STPG2: variants seen among roughly 807,000 people sequenced by gnomAD.
The protein encoded by STPG2 is sperm tail PG-rich repeat containing 2.
A neutral mutation model predicts 54.2 loss-of-function variants in STPG2; 56 were observed. That is an observed-to-expected ratio of 1.03 (90% CI 0.83 to 1.29). The LOEUF (loss-of-function observed/expected upper bound fraction) is 1.29, where lower values mean the gene tolerates loss of function less well. Ranked by LOEUF, STPG2 falls within the 50% of genes most tolerant of loss-of-function variation. STPG2 has a pLI of 0.00. For synonymous variants in STPG2, 200 were observed against 181.8 expected, an observed-to-expected ratio of 1.10 and a Z score of -0.81; for missense variants, 596 against 544.9, an observed-to-expected ratio of 1.09 and a Z score of -0.93.
chr4:98,014,653 A>G (rs1049368707), intron 5 of STPG2, among the ~76,000 whole-genome samples: 3 of 152,190 alleles, frequency 2.0e-5, no homozygotes, highest in Non-Finnish European at 4.4e-5. Flanking sequence ...TGTATGCACT[A>G]TCATTATAAT....
At chr4:97,881,666 T>C (rs1288050301) in intron 8 of STPG2, among the ~76,000 whole-genome samples, 4 of 152,148 alleles carry the variant, frequency 2.6e-5, no homozygotes. Flanking sequence ...TCAGAGAAGA[T>C]TTAGACTAAA....
intron 9 of STPG2, among the ~76,000 whole-genome samples, chr4:97,814,822 G>T (rs1727857750): frequency 6.6e-6 from 1 of 152,080 alleles, no homozygotes; most frequent in African/African-American, 2.4e-5. Flanking sequence ...TTGAACATTG[G>T]AGTCCAAGTT....
At chr4:97,860,761 T>C (rs1436625240) in intron 8 of STPG2, among the ~76,000 whole-genome samples, 1 of 152,098 alleles carries the variant, frequency 6.6e-6, no homozygotes, top group East Asian at 1.9e-4. Context: ...TTTAGATGCA[T>C]TTTATTACTT....
intron 5 of STPG2, among the ~76,000 whole-genome samples, chr4:97,991,508 T>C (rs1374048488): frequency 4.6e-5 from 7 of 151,354 alleles, no homozygotes; most frequent in Non-Finnish European, 8.8e-5. Context: ...CACTCATTGA[T>C]GGGCATTTGG....
intron 4 of STPG2, among the ~76,000 whole-genome samples, chr4:97,539,264 C>T (rs2148859863): frequency 6.6e-6 from 1 of 152,196 alleles, no homozygotes; most frequent in Non-Finnish European, 1.5e-5. Context: ...GATAAAGAGT[C>T]AAGACCCATC....
intron 5 of STPG2, among the ~76,000 whole-genome samples, chr4:98,022,638 A>G (rs7659000): frequency 0.39 from 59,182 of 151,194 alleles, 11,713 homozygotes; most frequent in Middle Eastern, 0.46. Flanking sequence ...CATTTTCCCC[A>G]TCACTTTCAG....
At position 97,929,460 on chromosome 4, in the gene STPG2, C is replaced by T. The variant is rs187259633; in HGVS notation, c.1044+14437G>A. On this transcript the variant is annotated intron_variant, in intron 8 of 10. Transcript: ENST00000295268. ...CTTTGGGGAATTGCCACACTGTCTT[C>T]TACAATGGTTGAACTAGTTTACACT... Among the ~76,000 whole-genome samples, 642 of 152,268 alleles carry T rather than the reference C, an allele frequency of 4.2e-3. 3 individuals carry two copies. The highest frequency in any genetic ancestry group is 0.024 in the South Asian group (117 of 4,822).
At chr4:97,963,299 G>C (rs1733960091) in intron 7 of STPG2, among the ~76,000 whole-genome samples, 1 of 151,998 alleles carries the variant, frequency 6.6e-6, no homozygotes, top group Admixed American at 6.6e-5. Context: ...CATTCATGAT[G>C]GATTTAAAAT....
intron 5 of STPG2, among the ~76,000 whole-genome samples, chr4:98,044,648 G>A (rs1737069361): frequency 6.6e-6 from 1 of 152,100 alleles, no homozygotes; most frequent in Admixed American, 6.5e-5. Context: ...TGCTGACCAG[G>A]ACTGATGATG....
chr4:97,464,305 G>T (rs1226965425), intron 4 of STPG2, among the ~76,000 whole-genome samples: 1 of 152,068 alleles, frequency 6.6e-6, no homozygotes, highest in Non-Finnish European at 1.5e-5. Context: ...CATCGCATTA[G>T]GTATTATAAG....
intron 5 of STPG2, among the ~76,000 whole-genome samples, chr4:98,010,786 T>C (rs1284450926): frequency 1.3e-5 from 2 of 152,198 alleles, no homozygotes; most frequent in Non-Finnish European, 2.9e-5. Flanking sequence ...TTTTGCTTTA[T>C]ATTGTGTACA....
At chr4:97,781,585 G>A (rs1187369820) in intron 9 of STPG2, among the ~76,000 whole-genome samples, 1 of 152,080 alleles carries the variant, frequency 6.6e-6, no homozygotes, top group African/African-American at 2.4e-5. Context: ...CATTTTATGA[G>A]GCCATCATCA....
intron 9 of STPG2, among the ~76,000 whole-genome samples, chr4:97,765,381 G>C (rs1015319081): frequency 6.6e-6 from 1 of 152,082 alleles, no homozygotes. Context: ...TAAGAGGCTT[G>C]TAGATGTCTT....
At chr4:98,011,063 A>G (rs1560634150) in intron 5 of STPG2, among the ~76,000 whole-genome samples, 1 of 151,994 alleles carries the variant, frequency 6.6e-6, no homozygotes, top group Non-Finnish European at 1.5e-5. Flanking sequence ...ATCTAGTTTT[A>G]AAGCCCCACA....
chr4:97,704,889 T>C (rs1012175644), intron 10 of STPG2, among the ~76,000 whole-genome samples: 1 of 152,154 alleles, frequency 6.6e-6, no homozygotes, highest in Non-Finnish European at 1.5e-5. Context: ...TTAAAAAGCA[T>C]ATATAATTTA....
At chr4:98,046,643 A>G (rs1190505505) in intron 5 of STPG2, among the ~76,000 whole-genome samples, 1 of 152,192 alleles carries the variant, frequency 6.6e-6, no homozygotes. Context: ...CGGCCAAAAA[A>G]GTTGAGGAGT....
At chr4:97,739,275 T>C (rs1486807399) in intron 9 of STPG2, among the ~76,000 whole-genome samples, 1 of 151,890 alleles carries the variant, frequency 6.6e-6, no homozygotes, top group Non-Finnish European at 1.5e-5. Context: ...AGATCCAAAA[T>C]TGACACCCTA....
chr4:97,722,062 C>CTT (rs148500830), intron 9 of STPG2, among the ~76,000 whole-genome samples: 3 of 148,844 alleles, frequency 2.0e-5, no homozygotes, highest in African/African-American at 7.5e-5. Context: ...CCCTCCCCTC[C>CTT]TTTTTTTTTC....
At chr4:97,624,475 G>A (rs78681061) in intron 10 of STPG2, among the ~76,000 whole-genome samples, 16,547 of 151,874 alleles carry the variant, frequency 0.11, 2,683 homozygotes, top group African/African-American at 0.36. Flanking sequence ...GGGGTTGTTC[G>A]TTTTGTTCTT....
Sources: allele counts gnomAD v4.1 joint callset (sites outside exome capture counted in the v4.1 genomes callset), GRCh38; gene constraint gnomAD v4.1.1; transcripts MANE v1.5; gene names NCBI Gene and HGNC (gene_info 2026-07-23, HGNC 2026-07-21).